Variants in TNR observed in about 807,000 individuals in gnomAD.
TNR encodes the protein tenascin-R.
A neutral mutation model predicts 150.4 loss-of-function variants in TNR; 45 were observed. The observed-to-expected ratio is 0.30, with a 90% CI of 0.24 to 0.38. The LOEUF is 0.38. Ranked by LOEUF, TNR falls within the 10% of genes least tolerant of loss-of-function variation. TNR has a pLI of 1.00. For missense variants in TNR, 1,544 were observed against 1,759.1 expected (o/e 0.88, Z 2.19); for synonymous variants, 687 against 678.4 (o/e 1.01, Z -0.20).
At chr1:175,680,433 G>A (rs771347591) in intron 1 of TNR, among the ~76,000 whole-genome samples, 3 of 152,148 alleles carry the variant, frequency 2.0e-5, no homozygotes, top group Non-Finnish European at 2.9e-5. Context: ...AGTGAGAAAG[G>A]CGGGAGTGTG....
intron 2 of TNR, among the ~76,000 whole-genome samples, chr1:175,420,986 C>T (rs980048305): frequency 2.6e-5 from 4 of 151,794 alleles, no homozygotes; most frequent in Non-Finnish European, 2.9e-5. Context: ...AGGAAGAATA[C>T]GCTCTCTGAA....
intron 1 of TNR, among the ~76,000 whole-genome samples, chr1:175,583,779 AC>A (rs143725904): frequency 0.051 from 7,817 of 152,302 alleles, 267 homozygotes; most frequent in South Asian, 0.091. Context: ...TATTTGAGAC[AC>A]AGAAAAGGGA....
At chr1:175,527,319 C>T (rs546093023) in intron 2 of TNR, among the ~76,000 whole-genome samples, 2 of 152,268 alleles carry the variant, frequency 1.3e-5, no homozygotes, top group South Asian at 4.2e-4. Flanking sequence ...ACTTTGTAGT[C>T]AAGTGCCCCC....
chr1:175,382,373 C>T (rs1370341678), intron 8 of TNR, among the ~76,000 whole-genome samples: 1 of 152,220 alleles, frequency 6.6e-6, no homozygotes, highest in Non-Finnish European at 1.5e-5. Flanking sequence ...ATAGCTTTGA[C>T]TGAGGGTGCT....
chr1:175,651,259 G>T (rs2101889686), intron 1 of TNR, among the ~76,000 whole-genome samples: 1 of 148,878 alleles, frequency 6.7e-6, no homozygotes, highest in South Asian at 2.2e-4. Flanking sequence ...ACAGAGACAA[G>T]GTCTAGGCTT....
At chr1:175,368,936 G>A (rs1384994695) in intron 9 of TNR, among the ~76,000 whole-genome samples, 2 of 152,070 alleles carry the variant, frequency 1.3e-5, no homozygotes, top group Non-Finnish European at 2.9e-5. Flanking sequence ...GTGACAGAGT[G>A]AGACTCTGTA....
chr1:175,560,619 C>T (rs1427047331), intron 1 of TNR, among the ~76,000 whole-genome samples: 2 of 152,204 alleles, frequency 1.3e-5, no homozygotes, highest in African/African-American at 4.8e-5. Context: ...TCCAAGAGGC[C>T]ATAAACCATT....
At chr1:175,570,344 G>A (rs747647338) in intron 1 of TNR, among the ~76,000 whole-genome samples, 4 of 152,188 alleles carry the variant, frequency 2.6e-5, no homozygotes, top group Non-Finnish European at 5.9e-5. Flanking sequence ...AGGGCAGTTG[G>A]GGTGCGGAGG....
In TNR at chr1:175,710,923, G is replaced by T. The variant is rs528522038; in HGVS notation, c.-165+32303C>A. Among the ~76,000 whole-genome samples, 200 of 152,158 alleles carry T rather than the reference G, an allele frequency of 1.3e-3. 1 individual carries two copies. Among genetic ancestry groups the T allele is most frequent in the African/African-American group, 4.7e-3 (194 of 41,504 alleles). On this transcript the variant is annotated intron_variant, in intron 1 of 22. Transcript: ENST00000367674. ...ATACGATGGGCTAGCTGACACAGGC[G>T]TGCCTTTGCTGCTGTCCTCTACCTG...
rs1200772914 is a variant in TNR at position 175,406,723 on chromosome 1, C to A, written c.-9G>T. The A allele has an allele frequency of 1.9e-6, 3 of 1,612,074 alleles. No individual in the cohort carries two copies. In the South Asian group the frequency reaches 3.3e-5, roughly 18 times the overall value. ...TCCCCATCTGCCCCCATCCTCTCAGCCAGAGATCTGGGTTCAGGACCAGCC... is the reference window on the plus strand; with the variant it reads ...TCCCCATCTGCCCCCATCCTCTCAGACAGAGATCTGGGTTCAGGACCAGCC... On this transcript the variant is annotated 5_prime_UTR_variant, in exon 3 of 23. Coordinates refer to ENST00000367674, the MANE Select transcript of TNR (RefSeq NM_003285.3).
chr1:175,368,956 C>A (rs1016291925), intron 9 of TNR, among the ~76,000 whole-genome samples: 1 of 152,022 alleles, frequency 6.6e-6, no homozygotes, highest in Non-Finnish European at 1.5e-5. Flanking sequence ...ATCAAAAAAA[C>A]AAAAACAAAC....
intron 2 of TNR, among the ~76,000 whole-genome samples, chr1:175,469,948 T>A (rs972858765): frequency 6.6e-6 from 1 of 151,896 alleles, no homozygotes; most frequent in Non-Finnish European, 1.5e-5. Context: ...AAAGGGTGAA[T>A]GCAAAAGACC....
intron 1 of TNR, among the ~76,000 whole-genome samples, chr1:175,560,719 A>G (rs776547075): frequency 1.4e-4 from 21 of 152,116 alleles, no homozygotes; most frequent in Non-Finnish European, 2.9e-4. Flanking sequence ...TTCTACAAAA[A>G]ATCTAGTTTT....
intron 13 of TNR, among the ~76,000 whole-genome samples, 178 bp from the exon 14 acceptor site, chr1:175,362,987 C>G (rs759420317): frequency 2.0e-5 from 3 of 152,190 alleles, no homozygotes; most frequent in Admixed American, 6.5e-5. Flanking sequence ...GCACACTGGT[C>G]TCACTCCTTC....
intron 1 of TNR, among the ~76,000 whole-genome samples, chr1:175,549,357 G>C (rs1266145884): frequency 6.6e-6 from 1 of 152,172 alleles, no homozygotes; most frequent in East Asian, 1.9e-4. Context: ...GCATTGATGA[G>C]GGTATGAGAA....
chr1:175,620,135 A>G (rs1475706230), intron 1 of TNR, among the ~76,000 whole-genome samples: 2 of 152,208 alleles, frequency 1.3e-5, no homozygotes, highest in African/African-American at 4.8e-5. Flanking sequence ...AAGTCCAAGA[A>G]GTGATTTCAG....
At position 175,363,741 on chromosome 1, in the gene TNR, C is replaced by T. The variant is rs145076126; in HGVS notation, c.2674G>A (p.Asp892Asn). ...GGTCGATATGATACTCGGTAGTAAT[C>T]GAAAGATGCAACAGGAGGGCTCCAG... Reference protein sequence around the residue: ...VSWSPPVASFDYYRVSYRPTQ... With the variant: ...VSWSPPVASFNYYRVSYRPTQ... Residue 892 changes from aspartate to asparagine, a missense_variant, in exon 13 of 23, where the codon GAT (aspartate) becomes AAT (asparagine). By Grantham distance (23) the Asp-to-Asn change is conservative. Coordinates refer to ENST00000367674, the MANE Select transcript of TNR (RefSeq NM_003285.3). 1.4e-5 allele frequency: 22 copies of T among 1,613,792 alleles called. No homozygotes were observed. Among genetic ancestry groups the T allele is most frequent in the East Asian group, 4.5e-5 (2 of 44,862 alleles).
rs575693946 is a variant in TNR at position 175,558,432 on chromosome 1, T to C, written c.-164-30063A>G. Among the ~76,000 whole-genome samples, 20 of 152,296 alleles carry C rather than the reference T, an allele frequency of 1.3e-4. No individual in the cohort carries two copies. In the East Asian group the frequency reaches 3.9e-3, roughly 29 times the overall value. On this transcript the variant is annotated intron_variant, in intron 1 of 22. Coordinates refer to ENST00000367674, the MANE Select transcript of TNR (RefSeq NM_003285.3). Reference sequence around the variant, plus strand: ...CACAGTAATTCCATTAAGTCAGTACTATTATTATCTACACTATAAATATGA... The same window carrying C: ...CACAGTAATTCCATTAAGTCAGTACCATTATTATCTACACTATAAATATGA...
At chr1:175,694,792 C>T (rs142024710) in intron 1 of TNR, among the ~76,000 whole-genome samples, 1 of 152,072 alleles carries the variant, frequency 6.6e-6, no homozygotes, top group Non-Finnish European at 1.5e-5. Context: ...TGTGTAGACA[C>T]AGTGAGAAGA....
Sources: allele counts gnomAD v4.1 joint callset (sites outside exome capture counted in the v4.1 genomes callset), GRCh38; gene constraint gnomAD v4.1.1; transcripts MANE v1.5; gene names NCBI Gene and HGNC (gene_info 2026-07-23, HGNC 2026-07-21).